AGTPBP1: variants seen among roughly 807,000 people sequenced by gnomAD.
AGTPBP1 encodes the protein cytosolic carboxypeptidase 1.
In AGTPBP1, 70 loss-of-function variants were observed where a neutral mutation model predicts 143.9. That is an observed-to-expected ratio of 0.49 (90% confidence interval 0.40 to 0.59). AGTPBP1 has a LOEUF of 0.59. Ranked by LOEUF, AGTPBP1 falls within the 20% of genes least tolerant of loss-of-function variation. The probability of loss-of-function intolerance (pLI) is 0.00; values close to 1 mark genes in which losing one functional copy is unlikely to be tolerated. For missense variants in AGTPBP1, 1,229 were observed against 1,464.5 expected (o/e 0.84, Z 2.62); for synonymous variants, 463 against 500.2 (o/e 0.93, Z 0.99).
At chr9:85,564,848 T>C (rs937566193) in intron 25 of AGTPBP1, among the ~76,000 whole-genome samples, 3 of 152,234 alleles carry the variant, frequency 2.0e-5, no homozygotes, top group Non-Finnish European at 4.4e-5. Flanking sequence ...TTTGAGTTAA[T>C]GTTGGAATAA....
chr9:85,783,003 G>A, the AGTPBP1 span, among the ~76,000 whole-genome samples: 4 of 152,048 alleles, frequency 2.6e-5, no homozygotes, highest in Non-Finnish European at 2.9e-5. Context: ...TCAAATTTGA[G>A]GTATCTGATA....
chr9:85,629,050 TTG>T (rs973135908), intron 14 of AGTPBP1, among the ~76,000 whole-genome samples: 17 of 152,176 alleles, frequency 1.1e-4, no homozygotes, highest in African/African-American at 4.1e-4. Context: ...TTTTTTGTGT[TTG>T]TTTCCTTCAG....
chr9:85,753,133 G>T, the AGTPBP1 span, among the ~76,000 whole-genome samples: 3 of 151,934 alleles, frequency 2.0e-5, no homozygotes. Context: ...AGAAAATGTG[G>T]CTGGATGGCT....
chr9:85,704,951 A>C (rs7033930), intron 2 of AGTPBP1, among the ~76,000 whole-genome samples: 64,711 of 151,666 alleles, frequency 0.43, 15,186 homozygotes, highest in Non-Finnish European at 0.55. Flanking sequence ...TATGTGTCAG[A>C]AAAAAAAGAT....
At chr9:85,805,298 C>CCCCTCCGCCCGGGCTTCCCGCTA in the AGTPBP1 span, 2 of 152,036 alleles carry the variant, frequency 1.3e-5, no homozygotes, top group African/African-American at 2.4e-5. Flanking sequence ...CTCACGCCGC[C>CCCCTCCGCCCGGGCTTCCCGCTA]CCCTCCGCCC....
At chr9:85,801,110 G>A in the AGTPBP1 span, among the ~76,000 whole-genome samples, 4 of 152,122 alleles carry the variant, frequency 2.6e-5, no homozygotes, top group East Asian at 1.9e-4. Context: ...TCAGGAGTTC[G>A]TAACTAGCCT....
intron 18 of AGTPBP1, 36 bp downstream of exon 18, chr9:85,596,326 A>C (rs1829298405): frequency 7.0e-7 from 1 of 1,427,740 alleles, no homozygotes; most frequent in African/African-American, 1.4e-5. Flanking sequence ...TGCCTTCTGT[A>C]AGCTGACATT....
the AGTPBP1 span, among the ~76,000 whole-genome samples, chr9:85,767,523 A>G: frequency 6.6e-6 from 1 of 151,744 alleles, no homozygotes; most frequent in Non-Finnish European, 1.5e-5. Context: ...AGTTTTTTGT[A>G]TTTTAGTAGA....
In AGTPBP1 at chr9:85,741,866, C is replaced by T. The variant is rs1203188877; in HGVS notation, c.-125G>A. 7.2e-7 allele frequency: 1 copy of T among 1,396,260 alleles called. No homozygotes were observed. Among genetic ancestry groups the T allele is most frequent in the Admixed American group, 3.1e-5 (1 of 32,774 alleles). The allele number at this position is 1,396,260 out of a possible 1,614,324, so 86.5% of individuals were successfully genotyped here. On this transcript the variant is annotated 5_prime_UTR_variant, in exon 1 of 26. Transcript: ENST00000357081. ...CGGCGGATCCCTCGCCGCCCGCCGC[C>T]CGGTGTTTTCATACAAACCCCGGTG...
rs1834056177 is a variant in AGTPBP1 at position 85,665,118 on chromosome 9, C to G, written c.663-4145G>C. Among the ~76,000 whole-genome samples the G allele has an allele frequency of 2.0e-5, 3 of 152,146 alleles. No individual in the cohort carries two copies. The South Asian group carries it at 6.2e-4, about 32-fold the overall frequency. On this transcript the variant is annotated intron_variant, in intron 8 of 25. Coordinates refer to ENST00000357081, the MANE Select transcript of AGTPBP1 (RefSeq NM_001330701.2). ...ATGTTGAAGTCCCAACCCCCAATAC[C>G]TCCAAATATGACCTTATTGGAAAAC...
chr9:85,725,849 C>T (rs1219052464), intron 1 of AGTPBP1, among the ~76,000 whole-genome samples: 1 of 151,752 alleles, frequency 6.6e-6, no homozygotes, highest in Non-Finnish European at 1.5e-5. Flanking sequence ...AGTTCGAGAC[C>T]AGCCTGGCCA....
rs55882437 is a variant in AGTPBP1 at position 85,572,004 on chromosome 9, G to GTTTTTTTTTTT, written c.3503+3300_3503+3310dup. On this transcript the variant is annotated intron_variant, in intron 25 of 25. Transcript: ENST00000357081. ...TGGCCATTATTAGTTGTTTGTGTGTGTTTTTTTTTTTTTTTTTTTTTTTTT... is the reference window on the plus strand; with the variant it reads ...TGGCCATTATTAGTTGTTTGTGTGTGTTTTTTTTTTTTTTTTTTTTTTTTTTTTTTTTTTTT... 1.1e-3 allele frequency among the ~76,000 whole-genome samples: 49 copies of GTTTTTTTTTTT among 43,458 alleles called. 7 individuals are homozygous for GTTTTTTTTTTT. The highest frequency in any genetic ancestry group is 3.4e-3 in the East Asian group (3 of 890). The allele number at this position is 43,458 out of a possible 152,430, so 28.5% of individuals were successfully genotyped here. A position where few individuals can be genotyped will look rare whatever the true frequency, so the allele number is the denominator to read the frequency against.
chr9:85,669,200 C>T (rs1834331834), intron 8 of AGTPBP1, among the ~76,000 whole-genome samples: 1 of 151,030 alleles, frequency 6.6e-6, no homozygotes, highest in South Asian at 2.1e-4. Context: ...AATGAATACT[C>T]TATAGATAAT....
At position 85,586,782 on chromosome 9, in the gene AGTPBP1, G is replaced by A. The variant is rs540104058; in HGVS notation, c.3033+49C>T. 5 of 1,576,610 alleles carry A rather than the reference G, an allele frequency of 3.2e-6. No homozygotes were observed. In the South Asian group the frequency reaches 4.6e-5, roughly 14 times the overall value. ...ACACAAGTGCTTGATAATTAAAAAT[G>A]ATATTTTATCTTTGACTATCCCAAG... On this transcript the variant is annotated intron_variant, in intron 22 of 25. Transcript: ENST00000357081.
the AGTPBP1 span, among the ~76,000 whole-genome samples, chr9:85,779,702 T>G: frequency 6.6e-6 from 1 of 151,922 alleles, no homozygotes; most frequent in African/African-American, 2.4e-5. Flanking sequence ...TACCAAAAAT[T>G]TAAAAAATTA....
chr9:85,618,252 C>T lies in AGTPBP1; in HGVS notation c.2335+731G>A, dbSNP rs900665424. On this transcript the variant is annotated intron_variant, in intron 17 of 25. Coordinates refer to ENST00000357081, the MANE Select transcript of AGTPBP1 (RefSeq NM_001330701.2). ...CATCTCAAAAAAAAAAAAAAAATTA[C>T]ATTTCTAGTTTAAAAGACTATCAAG... Among the ~76,000 whole-genome samples, 11 of 150,214 alleles carry T rather than the reference C, an allele frequency of 7.3e-5. No individual in the cohort carries two copies. In the East Asian group the frequency reaches 2.0e-3, roughly 27 times the overall value.
the AGTPBP1 span, among the ~76,000 whole-genome samples, chr9:85,788,903 T>C: frequency 6.6e-6 from 1 of 151,670 alleles, no homozygotes; most frequent in African/African-American, 2.4e-5. Flanking sequence ...AATAATAAGT[T>C]CCTTATAAGA....
intron 1 of AGTPBP1, among the ~76,000 whole-genome samples, chr9:85,740,003 C>CAAA (rs539664181): frequency 0.017 from 1,901 of 113,604 alleles, 19 homozygotes; most frequent in Middle Eastern, 0.054. Context: ...GACTCCGTCT[C>CAAA]AAAAAAAAAA....
intron 2 of AGTPBP1, among the ~76,000 whole-genome samples, chr9:85,709,588 T>C (rs1038263497): frequency 4.6e-5 from 7 of 152,084 alleles, no homozygotes; most frequent in African/African-American, 1.4e-4. Context: ...CGTGTAATAA[T>C]GGACAACAGA....
Sources: gnomAD v4.1 joint callset for allele counts (sites outside exome capture counted in the v4.1 genomes callset) on GRCh38, gnomAD v4.1.1 for gene constraint, MANE v1.5 for transcripts, NCBI Gene and HGNC (gene_info 2026-07-23, HGNC 2026-07-21) for gene names.